Variants in RMDN1 observed in about 807,000 individuals in gnomAD.
The protein encoded by RMDN1 is regulator of microtubule dynamics protein 1.
A neutral mutation model predicts 48.9 loss-of-function variants in RMDN1; 48 were observed. That is an observed-to-expected ratio of 0.98 (90% CI 0.78 to 1.25). The LOEUF (loss-of-function observed/expected upper bound fraction) is 1.25. RMDN1 is among the 50% of genes most tolerant of loss of function. The pLI is 0.00. For synonymous variants in RMDN1, 148 were observed against 132.6 expected, an observed-to-expected ratio of 1.12 and a Z score of -0.80; for missense variants, 418 against 373.4, an observed-to-expected ratio of 1.12 and a Z score of -0.98.
In RMDN1 at chr8:86,474,102, A is replaced by G. The variant is rs1200894597; in HGVS notation, c.*206T>C. 1.0e-5 allele frequency: 13 copies of G among 1,299,062 alleles called. No homozygotes were observed. In the African/African-American group the frequency reaches 1.2e-4, roughly 12 times the overall value. 80.5% of individuals were successfully genotyped at this position (1,299,062 alleles called of 1,614,324 possible). A position where few individuals can be genotyped will look rare whatever the true frequency, so the allele number is the denominator to read the frequency against. Reference sequence around the variant, plus strand: ...GCAAAATAATCTCTTTGCCTGAGCCATGGAGATTTATTTCTACCACTCTTA... The same window carrying G: ...GCAAAATAATCTCTTTGCCTGAGCCGTGGAGATTTATTTCTACCACTCTTA... On this transcript the variant is annotated 3_prime_UTR_variant, in exon 10 of 10. Transcript: ENST00000406452.
intron 7 of RMDN1, chr8:86,478,038 C>G (rs950765895): frequency 5.3e-5 from 8 of 152,154 alleles, no homozygotes; most frequent in African/African-American, 1.9e-4. Context: ...CAGGCACAGG[C>G]CACCACACCT....
intron 2 of RMDN1, chr8:86,504,385 C>G: frequency 5.1e-6 from 8 of 1,562,876 alleles, no homozygotes; most frequent in Non-Finnish European, 7.1e-6. Flanking sequence ...CAGCTACCAA[C>G]AGCCAATCAT....
chr8:86,513,694 G>A (rs1372957046), intron 1 of RMDN1, among the ~76,000 whole-genome samples: 1 of 152,120 alleles, frequency 6.6e-6, no homozygotes. Flanking sequence ...TGGGTATACT[G>A]GCACCAAATA....
intron 2 of RMDN1, chr8:86,504,504 C>T (rs891021565): frequency 1.2e-4 from 176 of 1,519,850 alleles, no homozygotes; most frequent in Non-Finnish European, 1.6e-4. Flanking sequence ...CCATCTATGC[C>T]ACCATTGGTG....
chr8:86,513,056 G>GT (rs567725662), upstream of RMDN1, among the ~76,000 whole-genome samples: 2,101 of 141,158 alleles, frequency 0.015, 20 homozygotes, highest in South Asian at 0.029. Flanking sequence ...TCTATTGGGT[G>GT]TTTTTTTTTT....
intron 2 of RMDN1, among the ~76,000 whole-genome samples, chr8:86,492,713 A>C (rs1411745192): frequency 1.3e-5 from 2 of 151,264 alleles, no homozygotes; most frequent in African/African-American, 4.9e-5. Context: ...ACGTTCCCAC[A>C]GGAGTGCTTC....
chr8:86,490,040 T>C (rs1180436513), intron 2 of RMDN1, among the ~76,000 whole-genome samples: 1 of 152,012 alleles, frequency 6.6e-6, no homozygotes, highest in African/African-American at 2.4e-5. Flanking sequence ...TCATTCTGAT[T>C]AGGTGTTATA....
At chr8:86,496,246 C>G (rs1207719999) in intron 2 of RMDN1, among the ~76,000 whole-genome samples, 1 of 152,150 alleles carries the variant, frequency 6.6e-6, no homozygotes, top group African/African-American at 2.4e-5. Context: ...CAATCAAGTT[C>G]ACATAATAAC....
intron 2 of RMDN1, among the ~76,000 whole-genome samples, chr8:86,489,851 G>A (rs1816199539): frequency 6.6e-6 from 1 of 151,032 alleles, no homozygotes; most frequent in Admixed American, 6.6e-5. Flanking sequence ...GGGGGGGGAT[G>A]GGGGTAGTTC....
At chr8:86,481,653 G>A in intron 5 of RMDN1, 1 of 263,716 alleles carries the variant, frequency 3.8e-6, no homozygotes, top group Non-Finnish European at 7.4e-6. Flanking sequence ...GAAGACCTAA[G>A]ACCCAATGGA....
Position 86,482,472 on chromosome 8 carries a change from G to A in RMDN1, c.586-2140C>T, listed in dbSNP as rs1177593422. On this transcript the variant is annotated intron_variant, in intron 5 of 9. Coordinates refer to ENST00000406452, the MANE Select transcript of RMDN1 (RefSeq NM_016033.3). ...TTGACAGCAATGCCATATATTATTA[G>A]AAAGTGTTATTCGTTTTCTTCCTGG... The A allele has an allele frequency of 1.6e-5, 9 of 572,486 alleles. No homozygotes were observed. The Admixed American group carries it at 2.1e-4, about 13-fold the overall frequency. The allele number at this position is 572,486 out of a possible 1,614,324, so 35.5% of individuals were successfully genotyped here. A position where few individuals can be genotyped will look rare whatever the true frequency, so the allele number is the denominator to read the frequency against.
intron 9 of RMDN1, 27 bp from the exon 10 acceptor site, chr8:86,474,385 G>A: frequency 6.5e-7 from 1 of 1,541,002 alleles, no homozygotes; most frequent in Non-Finnish European, 9.0e-7. Context: ...CATGTTATAA[G>A]TAAACAGGAG....
intron 2 of RMDN1, among the ~76,000 whole-genome samples, chr8:86,497,999 G>A (rs752916503): frequency 3.3e-5 from 5 of 152,164 alleles, no homozygotes; most frequent in Admixed American, 6.5e-5. Context: ...GGGAGGCTGA[G>A]GCATGAGAGT....
At chr8:86,491,314 T>C (rs1229796510) in intron 2 of RMDN1, among the ~76,000 whole-genome samples, 1 of 152,014 alleles carries the variant, frequency 6.6e-6, no homozygotes, top group Non-Finnish European at 1.5e-5. Flanking sequence ...TTTTGTATTT[T>C]TAGTAGAGAC....
chr8:86,488,459 T>G (rs567832560), intron 3 of RMDN1, 93 bp downstream of exon 3: 1 of 603,002 alleles, frequency 1.7e-6, no homozygotes, highest in East Asian at 3.0e-5. Flanking sequence ...AATAATCAAT[T>G]TTTAAAACCT....
rs184054212 is a variant in RMDN1, at chr8:86,481,862, T to A, written c.586-1530A>T. 3,195 of 750,720 alleles carry A rather than the reference T, an allele frequency of 4.3e-3. 15 individuals carry two copies. The highest frequency in any genetic ancestry group is 0.014 in the African/African-American group (787 of 55,090). The allele number at this position is 750,720 out of a possible 1,614,324, so 46.5% of individuals were successfully genotyped here. A position where few individuals can be genotyped will look rare whatever the true frequency, so the allele number is the denominator to read the frequency against. On this transcript the variant is annotated intron_variant, in intron 5 of 9. Coordinates refer to ENST00000406452, the MANE Select transcript of RMDN1 (RefSeq NM_016033.3). Reference sequence around the variant, plus strand: ...TGTTAGTTGGAGCAGTATTTTTTTTTAAAAACATCAAGGTAGATCTAATAT... The same window carrying A: ...TGTTAGTTGGAGCAGTATTTTTTTTAAAAAACATCAAGGTAGATCTAATAT...
chr8:86,491,391 CAG>C (rs1816475243), intron 2 of RMDN1, among the ~76,000 whole-genome samples: 1 of 152,072 alleles, frequency 6.6e-6, no homozygotes, highest in South Asian at 2.1e-4. Context: ...TGCAAAAAAT[CAG>C]TGTATGATTT....
At chr8:86,511,881 C>G (rs556250471), upstream of RMDN1, among the ~76,000 whole-genome samples, 103 of 149,956 alleles carry the variant, frequency 6.9e-4, no homozygotes, top group Non-Finnish European at 1.2e-4. Context: ...AAAAATGTGA[C>G]TGAAAGAGTG....
intron 1 of RMDN1, 60 bp downstream of exon 1, chr8:86,508,432 G>C (rs544707824): frequency 1.3e-6 from 2 of 1,496,294 alleles, no homozygotes; most frequent in Admixed American, 4.6e-5. Flanking sequence ...CTTAAGTTAA[G>C]GGGGAGCCGG....
Sources: allele counts gnomAD v4.1 joint callset (sites outside exome capture counted in the v4.1 genomes callset), GRCh38; gene constraint gnomAD v4.1.1; transcripts MANE v1.5; gene names NCBI Gene and HGNC (gene_info 2026-07-23, HGNC 2026-07-21).